PRKN: variants seen among roughly 807,000 people sequenced by gnomAD.
PRKN encodes E3 ubiquitin-protein ligase parkin.
In PRKN, 56 loss-of-function variants were observed where a neutral mutation model predicts 59.5. That is an observed-to-expected ratio of 0.94 (90% CI 0.76 to 1.18). The LOEUF is 1.18. PRKN is among the 50% of genes most tolerant of loss of function. PRKN has a pLI of 0.00. For missense variants in PRKN, 657 were observed against 596.4 expected, an observed-to-expected ratio of 1.10 and a Z score of -1.06; for synonymous variants, 250 against 222.1, an observed-to-expected ratio of 1.13 and a Z score of -1.12.
intron 1 of PRKN, among the ~76,000 whole-genome samples, chr6:162,625,697 T>C (rs1436344327): frequency 6.6e-6 from 1 of 152,074 alleles, no homozygotes; most frequent in Non-Finnish European, 1.5e-5. Context: ...CATGTATATA[T>C]ATGTGTGTGT....
chr6:162,636,652 C>T (rs571935848), intron 1 of PRKN, among the ~76,000 whole-genome samples: 79 of 152,254 alleles, frequency 5.2e-4, no homozygotes, highest in African/African-American at 1.8e-3. Flanking sequence ...AAAATGCAGA[C>T]ATTTGGTGAA....
chr6:161,636,797 C>T (rs1484657815), intron 7 of PRKN, among the ~76,000 whole-genome samples: 1 of 152,062 alleles, frequency 6.6e-6, no homozygotes, highest in East Asian at 1.9e-4. Flanking sequence ...GCCTGTGGTC[C>T]ACACAGGATG....
intron 6 of PRKN, among the ~76,000 whole-genome samples, chr6:161,817,253 C>T (rs1361624628): frequency 6.6e-6 from 1 of 152,178 alleles, no homozygotes; most frequent in African/African-American, 2.4e-5. Context: ...AAACTCTGGG[C>T]ATGAATCCTG....
At chr6:162,353,870 T>C (rs892321789) in intron 2 of PRKN, among the ~76,000 whole-genome samples, 4 of 152,162 alleles carry the variant, frequency 2.6e-5, no homozygotes, top group Non-Finnish European at 4.4e-5. Context: ...ACATATTGGC[T>C]AGCAAAGAAT....
chr6:162,395,972 T>A (rs1583497432), intron 2 of PRKN, among the ~76,000 whole-genome samples: 1 of 152,242 alleles, frequency 6.6e-6, no homozygotes, highest in African/African-American at 2.4e-5. Context: ...AGGCACCTTT[T>A]CTGGTATACA....
chr6:162,029,624 G>A (rs185267252), intron 5 of PRKN, among the ~76,000 whole-genome samples: 2 of 152,262 alleles, frequency 1.3e-5, no homozygotes, highest in Admixed American at 1.3e-4. Flanking sequence ...CCTCTCTGCT[G>A]GGATTTTGCC....
chr6:162,521,710 T>C (rs978348492), intron 1 of PRKN, among the ~76,000 whole-genome samples: 4 of 152,134 alleles, frequency 2.6e-5, no homozygotes, highest in Non-Finnish European at 4.4e-5. Flanking sequence ...ATGTATTATA[T>C]GTATTTATAG....
chr6:161,351,007 ATAAATATATTTTATATATTTATATTT>A (rs1784523914), intron 11 of PRKN, among the ~76,000 whole-genome samples: 2 of 61,662 alleles, frequency 3.2e-5, no homozygotes, highest in African/African-American at 1.4e-4. Context: ...TAAAATATAT[ATAAATATATTTTATATATTTATATTT>A]AAAATATATA....
intron 9 of PRKN, among the ~76,000 whole-genome samples, chr6:161,392,315 C>T (rs112304578): frequency 4.0e-5 from 6 of 151,740 alleles, no homozygotes; most frequent in South Asian, 2.1e-4. Context: ...ACCCTGGAGG[C>T]GGAGGTTGCA....
At chr6:161,700,351 C>T (rs1583024144) in intron 7 of PRKN, among the ~76,000 whole-genome samples, 1 of 152,072 alleles carries the variant, frequency 6.6e-6, no homozygotes, top group Non-Finnish European at 1.5e-5. Context: ...ATGTTGTTTT[C>T]TTGGGAAAGT....
At chr6:162,040,252 T>C (rs1784013690) in intron 5 of PRKN, among the ~76,000 whole-genome samples, 1 of 152,178 alleles carries the variant, frequency 6.6e-6, no homozygotes, top group Non-Finnish European at 1.5e-5. Flanking sequence ...GTTTGGGGGC[T>C]GCTAGTGTAC....
intron 10 of PRKN, among the ~76,000 whole-genome samples, chr6:161,367,227 CGCCTCG>C (rs978315138): frequency 2.0e-5 from 3 of 151,756 alleles, no homozygotes; most frequent in Admixed American, 6.6e-5. Flanking sequence ...GTGATCCACC[CGCCTCG>C]GCCTCCCAAA....
chr6:161,671,950 G>A (rs890109952), intron 7 of PRKN, among the ~76,000 whole-genome samples: 3 of 152,130 alleles, frequency 2.0e-5, no homozygotes, highest in Admixed American at 1.3e-4. Flanking sequence ...AGTGGTAGCC[G>A]ACGCTTCTGG....
At chr6:162,227,095 A>G (rs562178889) in intron 3 of PRKN, among the ~76,000 whole-genome samples, 1 of 152,300 alleles carries the variant, frequency 6.6e-6, no homozygotes, top group Admixed American at 6.5e-5. Flanking sequence ...ATATATCTAC[A>G]TTTAACTTTA....
chr6:162,098,195 A>G (rs991155473), intron 4 of PRKN, among the ~76,000 whole-genome samples: 6 of 152,114 alleles, frequency 3.9e-5, no homozygotes, highest in Admixed American at 6.6e-5. Context: ...GAGTTGCTTT[A>G]GTTTAAACGA....
chr6:161,987,755 A>G (rs2128256753), intron 5 of PRKN, among the ~76,000 whole-genome samples: 1 of 152,290 alleles, frequency 6.6e-6, no homozygotes, highest in Non-Finnish European at 1.5e-5. Context: ...GAGTCCAATT[A>G]ATACTGCATC....
intron 6 of PRKN, among the ~76,000 whole-genome samples, chr6:161,867,031 T>A (rs1048936512): frequency 6.6e-6 from 1 of 152,208 alleles, no homozygotes; most frequent in Non-Finnish European, 1.5e-5. Flanking sequence ...GGGGCCCACA[T>A]GATGAGCCTC....
intron 2 of PRKN, among the ~76,000 whole-genome samples, chr6:162,366,469 T>C (rs4709599): frequency 0.15 from 22,552 of 152,158 alleles, 2,804 homozygotes; most frequent in East Asian, 0.46. Flanking sequence ...GACATTTCTT[T>C]AAATTTTCAA....
intron 6 of PRKN, among the ~76,000 whole-genome samples, chr6:161,906,195 C>T: frequency 6.6e-6 from 1 of 152,050 alleles, no homozygotes; most frequent in Admixed American, 6.6e-5. Flanking sequence ...TTTCCTTGTC[C>T]TTTACTGCAG....
Sources: gnomAD v4.1 joint callset for allele counts (sites outside exome capture counted in the v4.1 genomes callset) on GRCh38, gnomAD v4.1.1 for gene constraint, MANE v1.5 for transcripts, NCBI Gene and HGNC (gene_info 2026-07-23, HGNC 2026-07-21) for gene names.